DMD: variants seen among roughly 807,000 people sequenced by gnomAD.
DMD encodes dystrophin.
A neutral mutation model predicts 330.1 loss-of-function variants in DMD; 63 were observed. The ratio of observed to expected loss-of-function variants is 0.19; its 90% confidence interval spans 0.16 to 0.24. DMD has a LOEUF of 0.24. DMD is among the 10% of genes least tolerant of loss of function. DMD has a pLI of 1.00. For missense variants in DMD, 3,344 were observed against 2,684.1 expected, an observed-to-expected ratio of 1.25 and a Z score of -5.43; for synonymous variants, 1,223 against 959.8, an observed-to-expected ratio of 1.27 and a Z score of -5.07.
chrX:32,747,881 G>A (rs1252374219), intron 7 of DMD, among the ~76,000 whole-genome samples: 1 of 111,716 alleles, frequency 9.0e-6, no homozygotes, highest in African/African-American at 3.3e-5. Flanking sequence ...GACTATTCAT[G>A]TGACACAAAG....
rs1467555629 is a variant in DMD, at chrX:33,063,740, A to AAGC, written c.32-43543_32-43541dup. Among the ~76,000 whole-genome samples the AAGC allele has an allele frequency of 9.9e-5, 11 of 110,971 alleles. No individual in the cohort carries two copies. The East Asian group carries it at 3.1e-3, about 32-fold the overall frequency. On this transcript the variant is annotated intron_variant, in intron 1 of 78. Coordinates refer to ENST00000357033, the MANE Select transcript of DMD (RefSeq NM_004006.3). ...CCTAGAGAGCCATAAAATATTACCT[A>AAGC]AGCCCATACCCCACCCCAGACCAAC...
chrX:31,610,675 A>C (rs962493018), intron 55 of DMD, among the ~76,000 whole-genome samples: 1 of 112,299 alleles, frequency 8.9e-6, no homozygotes, highest in Admixed American at 9.5e-5. Context: ...TAATTGTGAA[A>C]AATTCAGCCA....
chrX:32,463,659 T>C (rs1231695177), intron 24 of DMD, 65 bp from the exon 25 acceptor site: 40 of 980,183 alleles, frequency 4.1e-5, no homozygotes, highest in Non-Finnish European at 4.5e-5. Flanking sequence ...ATATGAAACA[T>C]AGCTAGAAAA....
At chrX:32,927,363 C>CTTTTTTTT (rs536073565) in intron 2 of DMD, among the ~76,000 whole-genome samples, 6 of 57,017 alleles carry the variant, frequency 1.1e-4, no homozygotes, top group Admixed American at 4.9e-4. Context: ...TTCTTTCTTT[C>CTTTTTTTT]TTTTTTTTTT....
chrX:31,247,600 CA>C (rs61281481), intron 63 of DMD, among the ~76,000 whole-genome samples: 20,856 of 74,067 alleles, frequency 0.28, 2,273 homozygotes, highest in East Asian at 0.38. Flanking sequence ...GACTGTGTCT[CA>C]AAAAAAAAAA....
At chrX:32,741,827 A>G (rs893197561) in intron 7 of DMD, among the ~76,000 whole-genome samples, 6 of 111,965 alleles carry the variant, frequency 5.4e-5, no homozygotes, top group Admixed American at 1.9e-4. Context: ...ATATCTCAAT[A>G]AAGCTGTTCC....
chrX:32,743,008 C>A (rs897508651), intron 7 of DMD, among the ~76,000 whole-genome samples: 5 of 110,884 alleles, frequency 4.5e-5, no homozygotes, highest in Non-Finnish European at 9.4e-5. Context: ...CTGATGATAC[C>A]CTGTCTCTTC....
chrX:32,394,916 C>CAAAAAAAAAAAAAA (rs72234458), intron 30 of DMD, among the ~76,000 whole-genome samples: 4 of 39,034 alleles, frequency 1.0e-4, no homozygotes, highest in South Asian at 1.8e-3. Flanking sequence ...AACAAAAAAA[C>CAAAAAAAAAAAAAA]AAAAAAAAAA....
chrX:32,593,544 C>T (rs2055175028), intron 13 of DMD, among the ~76,000 whole-genome samples: 1 of 111,452 alleles, frequency 9.0e-6, no homozygotes, highest in South Asian at 3.8e-4. Flanking sequence ...GATATAGTCA[C>T]CATTGTTCCA....
chrX:32,737,425 C>T (rs917067428), intron 7 of DMD, among the ~76,000 whole-genome samples: 6 of 110,482 alleles, frequency 5.4e-5, no homozygotes, highest in Non-Finnish European at 1.1e-4. Flanking sequence ...TACTACAATG[C>T]TGGTAGACCA....
intron 1 of DMD, among the ~76,000 whole-genome samples, chrX:33,070,661 CTCTCTCTCTCTCTATATATA>C (rs2094734053): frequency 2.3e-5 from 1 of 44,234 alleles, no homozygotes; most frequent in African/African-American, 9.6e-5. Context: ...CTCTCTCTCT[CTCTCTCTCTCTCTATATATA>C]TATATATATA....
chrX:32,475,113 G>A (rs1449610062), intron 21 of DMD, among the ~76,000 whole-genome samples: 1 of 111,123 alleles, frequency 9.0e-6, no homozygotes, highest in African/African-American at 3.3e-5. Flanking sequence ...TGAAAAGGGT[G>A]TCCTTTCTTT....
At chrX:32,637,226 A>T (rs1487468958) in intron 11 of DMD, among the ~76,000 whole-genome samples, 1 of 111,884 alleles carries the variant, frequency 8.9e-6, no homozygotes. Context: ...ATGTGGAAAT[A>T]GAAGCTCACT....
intron 44 of DMD, among the ~76,000 whole-genome samples, chrX:32,143,802 G>A (rs1168256663): frequency 9.2e-6 from 1 of 108,137 alleles, no homozygotes; most frequent in African/African-American, 3.4e-5. Context: ...CGCCCGCCTC[G>A]GCCTCCCAAA....
intron 62 of DMD, among the ~76,000 whole-genome samples, chrX:31,297,605 G>A (rs1038973873): frequency 8.1e-5 from 9 of 111,679 alleles, no homozygotes; most frequent in Non-Finnish European, 1.1e-4. Flanking sequence ...GGCTAGAAGC[G>A]GTTTTCATAG....
intron 7 of DMD, among the ~76,000 whole-genome samples, chrX:32,747,654 AT>A (rs112805459): frequency 0.15 from 16,353 of 108,066 alleles, 1,408 homozygotes; most frequent in African/African-American, 0.32. Flanking sequence ...CACCTCGCTA[AT>A]TTTTTTTTTA....
At chrX:31,378,485 C>T (rs991435013) in intron 60 of DMD, among the ~76,000 whole-genome samples, 1 of 111,384 alleles carries the variant, frequency 9.0e-6, no homozygotes, top group Admixed American at 9.5e-5. Context: ...CCCAAAACTC[C>T]GGCACCGGTC....
intron 67 of DMD, among the ~76,000 whole-genome samples, chrX:31,194,604 C>A (rs1378784038): frequency 8.9e-6 from 1 of 112,183 alleles, no homozygotes; most frequent in Admixed American, 9.4e-5. Context: ...ATGGATTGAA[C>A]AGATGTATGA....
intron 29 of DMD, among the ~76,000 whole-genome samples, chrX:32,420,609 C>G (rs906201563): frequency 9.0e-6 from 1 of 111,594 alleles, no homozygotes; most frequent in East Asian, 2.8e-4. Context: ...CCAGTCAGTA[C>G]AGTAGTGTGA....
Sources: gnomAD v4.1 joint callset for allele counts (sites outside exome capture counted in the v4.1 genomes callset) on GRCh38, gnomAD v4.1.1 for gene constraint, MANE v1.5 for transcripts, NCBI Gene and HGNC (gene_info 2026-07-23, HGNC 2026-07-21) for gene names.